PALM2AKAP2: variants seen among roughly 807,000 people sequenced by gnomAD.
The protein encoded by PALM2AKAP2 is PALM2-AKAP2 fusion protein.
Under a neutral mutation model 71.5 loss-of-function variants are expected in PALM2AKAP2, and 37 were observed. The observed-to-expected ratio is 0.52, with a 90% CI of 0.40 to 0.68. PALM2AKAP2 has a LOEUF of 0.68. Ranked by LOEUF, PALM2AKAP2 falls within the 30% of genes least tolerant of loss-of-function variation. The pLI, the probability that PALM2AKAP2 is intolerant of heterozygous loss-of-function variation, is 0.00. For synonymous variants in PALM2AKAP2, 468 were observed against 478.8 expected (o/e 0.98, Z 0.29); for missense variants, 1,224 against 1,191.8 (o/e 1.03, Z -0.40).
At chr9:109,837,498 A>G (rs1828514305) in intron 1 of PALM2AKAP2, among the ~76,000 whole-genome samples, 1 of 152,244 alleles carries the variant, frequency 6.6e-6, no homozygotes. Flanking sequence ...AGCTAACATC[A>G]TAATGACAGG....
At chr9:109,943,022 T>C in intron 6 of PALM2AKAP2, 2 of 1,614,120 alleles carry the variant, frequency 1.2e-6, no homozygotes, top group African/African-American at 1.3e-5. Flanking sequence ...TTAGAAATGG[T>C]ACATAAGTCT....
At chr9:110,007,284 C>T (rs933071472) in intron 6 of PALM2AKAP2, among the ~76,000 whole-genome samples, 21 of 152,140 alleles carry the variant, frequency 1.4e-4, no homozygotes, top group Non-Finnish European at 3.1e-4. Context: ...CCAATCAATC[C>T]TCTGTTGTTT....
chr9:109,880,742 C>G, intron 3 of PALM2AKAP2, 61 bp downstream of exon 3: 1 of 1,589,730 alleles, frequency 6.3e-7, no homozygotes, highest in Middle Eastern at 1.7e-4. Flanking sequence ...AACCACTGCT[C>G]TCCTCTAGGT....
At chr9:109,972,917 T>C (rs540964110) in intron 6 of PALM2AKAP2, among the ~76,000 whole-genome samples, 2 of 152,210 alleles carry the variant, frequency 1.3e-5, no homozygotes, top group Non-Finnish European at 2.9e-5. Flanking sequence ...TCAGATCATA[T>C]AAATCTTTCA....
chr9:109,761,708 C>T (rs565793348), intron 1 of PALM2AKAP2, among the ~76,000 whole-genome samples: 1 of 152,286 alleles, frequency 6.6e-6, no homozygotes, highest in African/African-American at 2.4e-5. Flanking sequence ...TGAACTCATT[C>T]TTTTTTATGG....
chr9:109,989,343 C>T (rs1369143471), intron 6 of PALM2AKAP2, among the ~76,000 whole-genome samples: 1 of 152,188 alleles, frequency 6.6e-6, no homozygotes, highest in Non-Finnish European at 1.5e-5. Flanking sequence ...TAGCTTGTCA[C>T]AAATGTGCTC....
chr9:109,782,119 T>A (rs916266848), intron 1 of PALM2AKAP2, among the ~76,000 whole-genome samples: 7 of 152,234 alleles, frequency 4.6e-5, no homozygotes, highest in African/African-American at 1.7e-4. Context: ...ATGAAAGGAC[T>A]TGCTTTCCAA....
chr9:109,789,726 A>C (rs931548214), intron 1 of PALM2AKAP2, among the ~76,000 whole-genome samples: 2 of 152,182 alleles, frequency 1.3e-5, no homozygotes, highest in African/African-American at 4.8e-5. Context: ...TGGGTTTGGG[A>C]GAAGACCACA....
At position 110,084,678 on chromosome 9, in the gene PALM2AKAP2, A is replaced by AT. The variant is rs574880286; in HGVS notation, c.156+35824dup. ...ATACTGTATTATTTAGGGAATCATG[A>AT]TAAAAAAAAGTCTGTGGGTGTTCAC... On this transcript the variant is annotated intron_variant, in intron 1 of 3. Coordinates refer to ENST00000374525, the Ensembl canonical transcript of PALM2AKAP2. 7.1e-4 allele frequency among the ~76,000 whole-genome samples: 108 copies of AT among 152,178 alleles called. 1 individual carries two copies. Among genetic ancestry groups the AT allele is most frequent in the Admixed American group, 1.0e-3 (16 of 15,290 alleles).
In PALM2AKAP2 at chr9:109,922,421, CAAAAAAAAAAAAAAAAAAA is replaced by C. The variant is rs398011831; in HGVS notation, c.258-1296_258-1278del. ...TGGGTGACAGAGTGAGACTCTATCT[CAAAAAAAAAAAAAAAAAAA>C]AAAAAAAAAAAAAAAAAGATGGAAA... On this transcript the variant is annotated intron_variant, in intron 3 of 9. Transcript: ENST00000302798. Among the ~76,000 whole-genome samples, 178 of 19,238 alleles carry C rather than the reference CAAAAAAAAAAAAAAAAAAA, an allele frequency of 9.3e-3. 2 individuals are homozygous for C. The East Asian group carries it at 0.13, about 14-fold the overall frequency. 12.6% of individuals were successfully genotyped at this position (19,238 alleles called of 152,430 possible).
chr9:109,776,865 T>G (rs1829355845), upstream of PALM2AKAP2, among the ~76,000 whole-genome samples: 1 of 152,256 alleles, frequency 6.6e-6, no homozygotes. Context: ...CTTTTTTTAT[T>G]GTGGGTCTCA....
chr9:109,909,765 T>C (rs966454673), intron 3 of PALM2AKAP2, among the ~76,000 whole-genome samples: 1 of 152,080 alleles, frequency 6.6e-6, no homozygotes, highest in South Asian at 2.1e-4. Flanking sequence ...AAATGAGTAG[T>C]AATTACCCAT....
At chr9:109,951,475 T>C (rs1439234372) in intron 6 of PALM2AKAP2, among the ~76,000 whole-genome samples, 3 of 152,238 alleles carry the variant, frequency 2.0e-5, no homozygotes, top group Non-Finnish European at 4.4e-5. Flanking sequence ...TCACTGCATC[T>C]ACCTCTGTGT....
chr9:110,089,880 G>A (rs1834665433), intron 1 of PALM2AKAP2, among the ~76,000 whole-genome samples: 2 of 152,062 alleles, frequency 1.3e-5, no homozygotes, highest in South Asian at 2.1e-4. Flanking sequence ...ACTTTCTGAT[G>A]TTTACATTAT....
At chr9:109,885,502 T>A (rs1223470281) in intron 3 of PALM2AKAP2, among the ~76,000 whole-genome samples, 1 of 152,178 alleles carries the variant, frequency 6.6e-6, no homozygotes, top group African/African-American at 2.4e-5. Flanking sequence ...GGTTCAAGAA[T>A]GATTGCAGTA....
chr9:109,891,418 G>A (rs751634316), intron 3 of PALM2AKAP2, among the ~76,000 whole-genome samples: 5 of 152,142 alleles, frequency 3.3e-5, no homozygotes, highest in Admixed American at 6.5e-5. Context: ...TGTCAGGTAA[G>A]GTCTGAGGAG....
At chr9:109,645,175 G>A (rs1047478691) in intron 1 of PALM2AKAP2, among the ~76,000 whole-genome samples, 1 of 152,210 alleles carries the variant, frequency 6.6e-6, no homozygotes, top group Admixed American at 6.5e-5. Flanking sequence ...GTTCCATGTG[G>A]CTGGGGAAGC....
intron 1 of PALM2AKAP2, among the ~76,000 whole-genome samples, chr9:109,715,850 C>G (rs1204927457): frequency 6.6e-6 from 1 of 152,152 alleles, no homozygotes; most frequent in African/African-American, 2.4e-5. Flanking sequence ...CTTCCTTCTT[C>G]CTTCTTTCTT....
chr9:109,871,646 A>G (rs1489236894), intron 2 of PALM2AKAP2, among the ~76,000 whole-genome samples: 3 of 152,226 alleles, frequency 2.0e-5, no homozygotes, highest in Non-Finnish European at 2.9e-5. Flanking sequence ...AGATTAAGAT[A>G]TGTAACCATC....
Sources: allele counts gnomAD v4.1 joint callset (sites outside exome capture counted in the v4.1 genomes callset), GRCh38; gene constraint gnomAD v4.1.1; transcripts MANE v1.5; gene names NCBI Gene and HGNC (gene_info 2026-07-23, HGNC 2026-07-21).